Variants in SNX9 observed in about 807,000 individuals in gnomAD.
SNX9 encodes sorting nexin 9, also known as sorting nexin-9.
SNX9 carries 44 observed loss-of-function variants against 89.4 expected under a neutral mutation model. The ratio of observed to expected loss-of-function variants is 0.49; its 90% CI spans 0.39 to 0.63. SNX9 has a LOEUF of 0.63. Among genes scored for constraint, SNX9 ranks in the 30% least tolerant of loss-of-function variants. The probability of loss-of-function intolerance (pLI) is 0.00; values close to 1 mark genes in which losing one functional copy is unlikely to be tolerated. For synonymous variants in SNX9, 236 were observed against 247.8 expected (o/e 0.95, Z 0.45); for missense variants, 578 against 736.1 (o/e 0.79, Z 2.49).
intron 1 of SNX9, among the ~76,000 whole-genome samples, chr6:157,831,735 G>A (rs1352936304): frequency 6.6e-6 from 1 of 152,196 alleles, no homozygotes; most frequent in East Asian, 1.9e-4. Context: ...ACTCAGCAGT[G>A]TGTTTCAAAA....
At chr6:157,922,045 T>G (rs998052239) in intron 10 of SNX9, among the ~76,000 whole-genome samples, 3 of 152,150 alleles carry the variant, frequency 2.0e-5, no homozygotes, top group African/African-American at 7.2e-5. Flanking sequence ...GCCCTTACAA[T>G]GTAACAGCAT....
chr6:157,914,854 T>C (rs1168404759), intron 9 of SNX9, among the ~76,000 whole-genome samples: 1 of 152,206 alleles, frequency 6.6e-6, no homozygotes, highest in Non-Finnish European at 1.5e-5. Flanking sequence ...AGTTTTTTCT[T>C]TCATGGACTG....
rs193279538 is a variant in SNX9 at position 157,918,406 on chromosome 6, T to C, written c.950-3125T>C. On this transcript the variant is annotated intron_variant, in intron 9 of 17. Coordinates refer to ENST00000392185, the MANE Select transcript of SNX9 (RefSeq NM_016224.5). Reference sequence around the variant, plus strand: ...TGTGTTAAAGTGTACTTGTCTAATATTAATATAGCCACTCCATTTCTGTTA... The same window carrying C: ...TGTGTTAAAGTGTACTTGTCTAATACTAATATAGCCACTCCATTTCTGTTA... Among the ~76,000 whole-genome samples, 94 of 152,324 alleles carry C rather than the reference T, an allele frequency of 6.2e-4. 1 individual carries two copies. The East Asian group carries it at 0.011, about 18-fold the overall frequency.
At chr6:157,903,984 G>T (rs1783159505) in intron 6 of SNX9, among the ~76,000 whole-genome samples, 1 of 152,142 alleles carries the variant, frequency 6.6e-6, no homozygotes, top group Admixed American at 6.5e-5. Flanking sequence ...CTGTATAAAT[G>T]AGTCACTTAA....
intron 1 of SNX9, among the ~76,000 whole-genome samples, chr6:157,843,747 T>A (rs2115115591): frequency 6.6e-6 from 1 of 152,336 alleles, no homozygotes; most frequent in East Asian, 1.9e-4. Flanking sequence ...TTTTGCATAA[T>A]CCATACTCAA....
At chr6:157,868,481 T>A (rs1272434285) in intron 2 of SNX9, among the ~76,000 whole-genome samples, 1 of 152,234 alleles carries the variant, frequency 6.6e-6, no homozygotes, top group African/African-American at 2.4e-5. Context: ...TTTTGTTTCA[T>A]AAAGTCAAAT....
In SNX9 at chr6:157,823,311, G is replaced by A; in HGVS notation, c.-124G>A. ...GACTCGGGGCCGAGGCGGAGGAGCGGCCGCCGCGCCGGGGCCCAGCCGGAG... is the reference window on the plus strand; with the variant it reads ...GACTCGGGGCCGAGGCGGAGGAGCGACCGCCGCGCCGGGGCCCAGCCGGAG... On this transcript the variant is annotated 5_prime_UTR_variant, in exon 1 of 18. Transcript: ENST00000392185. The surrounding 1 kb of genome is among the most constrained non-coding windows in gnomAD (Gnocchi z 4.6). The A allele has an allele frequency of 1.2e-6, 1 of 852,306 alleles. No individual in the cohort carries two copies. Among genetic ancestry groups the A allele is most frequent in the East Asian group, 5.3e-5 (1 of 18,804 alleles). The allele number at this position is 852,306 out of a possible 1,614,324, so 52.8% of individuals were successfully genotyped here.
intron 2 of SNX9, 105 bp from the exon 3 acceptor site, chr6:157,872,997 T>C (rs1782444985): frequency 2.7e-6 from 2 of 736,670 alleles, no homozygotes; most frequent in East Asian, 5.8e-5. Context: ...AAAAGCTTAA[T>C]GTTAATTGCT....
chr6:157,888,928 T>A (rs74611316), intron 4 of SNX9, among the ~76,000 whole-genome samples: 3,895 of 151,888 alleles, frequency 0.026, 122 homozygotes, highest in African/African-American at 0.07. Flanking sequence ...TGGTTGACTG[T>A]GAGGAGGAGT....
chr6:157,867,797 G>A (rs578012198), intron 2 of SNX9, among the ~76,000 whole-genome samples, 164 bp downstream of exon 2: 1 of 152,064 alleles, frequency 6.6e-6, no homozygotes, highest in East Asian at 1.9e-4. Flanking sequence ...TTTTTTTCCT[G>A]TTGCTTATGA....
intron 2 of SNX9, 89 bp from the exon 3 acceptor site, chr6:157,873,013 T>A (rs995569218): frequency 2.0e-6 from 2 of 987,116 alleles, no homozygotes; most frequent in Non-Finnish European, 2.8e-6. Flanking sequence ...TTGCTTTTTT[T>A]ATGTATAACA....
intron 4 of SNX9, among the ~76,000 whole-genome samples, chr6:157,888,924 A>C (rs1469826580): frequency 6.6e-6 from 1 of 152,160 alleles, no homozygotes; most frequent in East Asian, 1.9e-4. Flanking sequence ...TCTGTGGTTG[A>C]CTGTGAGGAG....
intron 7 of SNX9, among the ~76,000 whole-genome samples, chr6:157,907,483 A>C (rs190178136): frequency 6.4e-4 from 97 of 152,192 alleles, no homozygotes; most frequent in Non-Finnish European, 1.2e-3. Flanking sequence ...ACGGGGTTTC[A>C]CCATATTGGC....
chr6:157,884,624 G>A (rs1320408248), intron 4 of SNX9, among the ~76,000 whole-genome samples: 1 of 151,636 alleles, frequency 6.6e-6, no homozygotes, highest in Non-Finnish European at 1.5e-5. Context: ...CTTTTTAGTT[G>A]GTAATAGGGC....
chr6:157,921,074 A>G (rs1783573093), intron 9 of SNX9, among the ~76,000 whole-genome samples: 1 of 152,258 alleles, frequency 6.6e-6, no homozygotes, highest in Non-Finnish European at 1.5e-5. Context: ...TAATATGGAA[A>G]TACCATGTCG....
Position 157,932,275 on chromosome 6 carries a change from G to A in SNX9, c.1366+3G>A, listed in dbSNP as rs779719161. 1.2e-6 allele frequency: 2 copies of A among 1,613,988 alleles called. No homozygotes were observed. Among genetic ancestry groups the A allele is most frequent in the Non-Finnish European group, 8.5e-7 (1 of 1,179,876 alleles). ...GTTCAGTTCCAGTGGCTATCAAGGT[G>A]CGTCTTTCTTCATTCATCCAGTGGG... On this transcript the variant is annotated splice_donor_region_variant and intron_variant, in intron 13 of 17. Transcript: ENST00000392185.
At chr6:157,911,622 C>G (rs1450331574) in intron 9 of SNX9, among the ~76,000 whole-genome samples, 5 of 152,150 alleles carry the variant, frequency 3.3e-5, no homozygotes, top group Admixed American at 2.0e-4. Flanking sequence ...AACAGGTTCC[C>G]CTCTCTATTG....
At chr6:157,868,792 CAGAT>C (rs1782325647) in intron 2 of SNX9, among the ~76,000 whole-genome samples, 1 of 152,158 alleles carries the variant, frequency 6.6e-6, no homozygotes, top group Non-Finnish European at 1.5e-5. Context: ...GGAACAAAAG[CAGAT>C]AGGGAGAATT....
intron 3 of SNX9, chr6:157,874,160 TAGAC>T (rs1367330340): frequency 6.6e-6 from 1 of 152,254 alleles, no homozygotes; most frequent in Non-Finnish European, 1.5e-5. Context: ...CTGTTGTTGA[TAGAC>T]AGTGAGGGTG....
Sources: gnomAD v4.1 joint callset for allele counts (sites outside exome capture counted in the v4.1 genomes callset) on GRCh38, gnomAD v4.1.1 for gene constraint, Gnocchi (gnomAD v3.1) non-coding constraint, MANE v1.5 for transcripts, NCBI Gene and HGNC (gene_info 2026-07-23, HGNC 2026-07-21) for gene names.